ABCA8: variants seen among roughly 807,000 people sequenced by gnomAD.
ABCA8 encodes ATP binding cassette subfamily A member 8, also known as ABC-type organic anion transporter ABCA8.
In ABCA8, 177 loss-of-function variants were observed where a neutral mutation model predicts 192.3. That is an observed-to-expected ratio of 0.92 (90% CI 0.81 to 1.04). The LOEUF (loss-of-function observed/expected upper bound fraction) is 1.04, where lower values mean the gene tolerates loss of function less well. ABCA8 is among the 50% of genes least tolerant of loss of function. ABCA8 has a pLI of 0.00. For synonymous variants in ABCA8, 642 were observed against 690.2 expected (o/e 0.93, Z 1.09); for missense variants, 1,915 against 1,904.8 (o/e 1.01, Z -0.10).
chr17:68,885,286 C>A lies in ABCA8; in HGVS notation c.3459G>T (p.Ala1153=), dbSNP rs375561539. The part of the protein sequence containing the change: ...VVTVFSVAGF[A]FSIFESDIPF... ...GAATATCACTTTCGAAGATACTGAA[C>A]GCAAATCCAGCCACAGAGAATACAG... The change falls in exon 27 of 40, where the codon GCG becomes GCT. Residue 1153 remains alanine, a synonymous_variant. Coordinates refer to ENST00000586539, the MANE Select transcript of ABCA8 (RefSeq NM_001288985.2). 1.2e-6 allele frequency: 2 copies of A among 1,611,562 alleles called. No homozygotes were observed. The highest frequency in any genetic ancestry group is 1.7e-6 in the Non-Finnish European group (2 of 1,178,930).
At chr17:68,948,235 G>A (rs1056901985) in intron 2 of ABCA8, among the ~76,000 whole-genome samples, 2 of 152,154 alleles carry the variant, frequency 1.3e-5, no homozygotes, top group African/African-American at 4.8e-5. Flanking sequence ...ATAGTAGAAT[G>A]ATTTATATTC....
At chr17:68,945,198 A>G (rs1338506691) in intron 2 of ABCA8, among the ~76,000 whole-genome samples, 2 of 152,208 alleles carry the variant, frequency 1.3e-5, no homozygotes, top group Non-Finnish European at 2.9e-5. Context: ...AATTATTTAC[A>G]AACATGGAGT....
intron 37 of ABCA8, among the ~76,000 whole-genome samples, chr17:68,875,052 T>C (rs961255862): frequency 6.6e-6 from 1 of 152,206 alleles, no homozygotes; most frequent in Non-Finnish European, 1.5e-5. Flanking sequence ...GATAACACAA[T>C]ACCAGGACAG....
rs747589828 is a variant in ABCA8 at position 68,932,432 on chromosome 17, G to A, written c.653C>T (p.Ser218Leu). ...NMKMHSFIGQSGVITDLYLFS... is the reference protein window; with the variant it reads ...NMKMHSFIGQLGVITDLYLFS... ...AAGGTACAAATCAGTTATAACTCCT[G>A]ATTGACCAATGAAGGAATGCATCTT... The change falls in exon 7 of 40, where the codon TCA (serine) becomes TTA (leucine). Residue 218 changes from serine (S) to leucine (L), a missense_variant. Ser to Leu is a moderately radical substitution (Grantham distance 145). Transcript: ENST00000586539. 5.6e-6 allele frequency: 9 copies of A among 1,613,952 alleles called. No individual in the cohort carries two copies. Among genetic ancestry groups the A allele is most frequent in the East Asian group, 2.2e-5 (1 of 44,882 alleles).
chr17:68,869,775 A>G lies in ABCA8; in HGVS notation c.4636T>C (p.Ser1546Pro), dbSNP rs773418316. The G allele has an allele frequency of 2.5e-6, 4 of 1,610,188 alleles. No individual in the cohort carries two copies. Among genetic ancestry groups the G allele is most frequent in the South Asian group, 1.1e-5 (1 of 90,910 alleles). The change falls in exon 38 of 40, where the codon TCC (serine) becomes CCC (proline). Residue 1546 changes from serine to proline, a missense_variant. Physicochemically the swap from Ser to Pro is moderately conservative, Grantham distance 74. Coordinates refer to ENST00000586539, the MANE Select transcript of ABCA8 (RefSeq NM_001288985.2). ...GGCAACTTATAAACCATCAGAGAGG[A>G]GTACCTGAGAGAAAAGGAGAGGTAA... ...FPQAARQERY[S>P]SLMVYKLPVE...
At chr17:68,932,952 T>A (rs1394739963) in intron 6 of ABCA8, among the ~76,000 whole-genome samples, 1 of 152,210 alleles carries the variant, frequency 6.6e-6, no homozygotes, top group African/African-American at 2.4e-5. Context: ...TTTTCTTATA[T>A]TCCTGGCTTC....
chr17:68,893,413 GT>G (rs1356275227), intron 23 of ABCA8, among the ~76,000 whole-genome samples: 2 of 152,194 alleles, frequency 1.3e-5, no homozygotes, highest in Non-Finnish European at 1.5e-5. Flanking sequence ...AGGAAAAGTG[GT>G]TTGATTGGTC....
intron 33 of ABCA8, 93 bp downstream of exon 33, chr17:68,877,426 A>C: frequency 8.1e-7 from 1 of 1,227,988 alleles, no homozygotes; most frequent in Non-Finnish European, 1.1e-6. Context: ...CAGCATTTAG[A>C]GTCTCCCATC....
At chr17:68,899,205 A>G (rs1217052039) in intron 21 of ABCA8, among the ~76,000 whole-genome samples, 1 of 152,108 alleles carries the variant, frequency 6.6e-6, no homozygotes, top group Non-Finnish European at 1.5e-5. Context: ...TCAGAAAACA[A>G]ACAATAAACT....
intron 24 of ABCA8, among the ~76,000 whole-genome samples, chr17:68,888,262 A>C (rs1270565243): frequency 6.6e-6 from 1 of 152,012 alleles, no homozygotes; most frequent in Non-Finnish European, 1.5e-5. Flanking sequence ...ATTATTTGTC[A>C]TTCCCTAAAT....
At position 68,887,343 on chromosome 17, in the gene ABCA8, A is replaced by C. The variant is rs1232263586; in HGVS notation, c.3308T>G (p.Ile1103Ser). 4 of 1,600,592 alleles carry C rather than the reference A, an allele frequency of 2.5e-6. No homozygotes were observed. The highest frequency in any genetic ancestry group is 4.5e-5 in the East Asian group (2 of 44,782). The change falls in exon 25 of 40, where the codon ATT (isoleucine) becomes AGT (serine). Residue 1103 changes from isoleucine to serine, a missense_variant. Transcript: ENST00000586539. ...FEDMLLTIIH[I>S]IQIPCAVGYS... ...TTGGATATTGTCACTTACTTGAATAATATGAATTATTGTAAGTAGCATGTC... is the reference window on the plus strand; with the variant it reads ...TTGGATATTGTCACTTACTTGAATACTATGAATTATTGTAAGTAGCATGTC...
At chr17:68,939,078 T>C (rs1282572105) in intron 4 of ABCA8, among the ~76,000 whole-genome samples, 1 of 152,174 alleles carries the variant, frequency 6.6e-6, no homozygotes, top group African/African-American at 2.4e-5. Context: ...ATTACATTTT[T>C]ACTAGCTGAT....
At chr17:68,885,009 A>G (rs770686089) in intron 27 of ABCA8, 187 bp downstream of exon 27, 4 of 642,566 alleles carry the variant, frequency 6.2e-6, no homozygotes, top group Non-Finnish European at 7.7e-6. Context: ...ATCAGGACCA[A>G]ATTTTCCATT....
At chr17:68,932,756 G>T (rs894553718) in intron 6 of ABCA8, among the ~76,000 whole-genome samples, 1 of 152,158 alleles carries the variant, frequency 6.6e-6, no homozygotes, top group East Asian at 1.9e-4. Context: ...ATTACTTTAT[G>T]ATTTGCTTGG....
intron 19 of ABCA8, among the ~76,000 whole-genome samples, chr17:68,905,402 A>C (rs1006611102): frequency 6.6e-6 from 1 of 152,202 alleles, no homozygotes; most frequent in African/African-American, 2.4e-5. Flanking sequence ...GATCTACTGG[A>C]AAATATGGAC....
rs920446874 is a variant in ABCA8 at position 68,867,803 on chromosome 17, A to T, written c.*282T>A. ...TTGTTTATCTTATCTAGAAACTTAT[A>T]CGATCATGTAAAAGTAAATTTATTT... is the stretch of plus-strand genomic sequence containing the variant. On this transcript the variant is annotated 3_prime_UTR_variant, in exon 40 of 40. Transcript: ENST00000586539. The T allele has an allele frequency of 1.3e-5, 3 of 230,906 alleles. No homozygotes were observed. Among genetic ancestry groups the T allele is most frequent in the African/African-American group, 6.8e-5 (3 of 44,416 alleles). 14.3% of individuals were successfully genotyped at this position (230,906 alleles called of 1,614,324 possible). A position where few individuals can be genotyped will look rare whatever the true frequency, so the allele number is the denominator to read the frequency against.
intron 23 of ABCA8, 94 bp downstream of exon 23, chr17:68,894,079 T>C: frequency 7.5e-7 from 1 of 1,328,428 alleles, no homozygotes; most frequent in Non-Finnish European, 1.1e-6. Flanking sequence ...TGCAGTGGTT[T>C]ACTCAATAAA....
intron 7 of ABCA8, chr17:68,931,929 G>C: frequency 5.4e-6 from 1 of 186,668 alleles, no homozygotes; most frequent in South Asian, 1.2e-4. Context: ...GCATTGAAGA[G>C]GCCGGGCGTG....
intron 23 of ABCA8, among the ~76,000 whole-genome samples, chr17:68,893,455 A>G (rs2066663081): frequency 6.6e-6 from 1 of 152,204 alleles, no homozygotes; most frequent in Admixed American, 6.5e-5. Context: ...AATATTTTTG[A>G]CAAGAATCTG....
Sources: gnomAD v4.1 joint callset for allele counts (sites outside exome capture counted in the v4.1 genomes callset) on GRCh38, gnomAD v4.1.1 for gene constraint, MANE v1.5 for transcripts, NCBI Gene and HGNC (gene_info 2026-07-23, HGNC 2026-07-21) for gene names.